CEP85L: variants seen among roughly 807,000 people sequenced by gnomAD.
CEP85L encodes centrosomal protein 85L, also known as centrosomal protein of 85 kDa-like.
CEP85L carries 60 observed loss-of-function variants against 100.3 expected under a neutral mutation model. That is an observed-to-expected ratio of 0.60 (90% CI 0.49 to 0.74). The LOEUF (loss-of-function observed/expected upper bound fraction) is 0.74. Among genes scored for constraint, CEP85L ranks in the 30% least tolerant of loss-of-function variants. The pLI is 0.00. For synonymous variants in CEP85L, 319 were observed against 322.7 expected, an observed-to-expected ratio of 0.99 and a Z score of 0.12; for missense variants, 973 against 936.2, an observed-to-expected ratio of 1.04 and a Z score of -0.51.
rs146256107 is a variant in CEP85L, at chr6:118,576,373, G to A, written c.233-10057C>T. On this transcript the variant is annotated intron_variant, in intron 2 of 12. Coordinates refer to ENST00000368491, the MANE Select transcript of CEP85L (RefSeq NM_001042475.3). ...AACTGAAATAGCACTCCGGAAAGCC[G>A]AAAAAGGGTGAACCCACCACACAAG... Among the ~76,000 whole-genome samples, 729 of 152,250 alleles carry A rather than the reference G, an allele frequency of 4.8e-3. 8 individuals are homozygous for A. Among genetic ancestry groups the A allele is most frequent in the African/African-American group, 0.017 (705 of 41,552 alleles).
In CEP85L at chr6:118,702,724, C is replaced by A. The variant is rs1391528530; in HGVS notation, c.-28+7312G>T. Among the ~76,000 whole-genome samples the A allele has an allele frequency of 2.0e-5, 3 of 152,262 alleles. 1 individual carries two copies. The East Asian group carries it at 5.8e-4, about 29-fold the overall frequency. ...ATCAAGAGCTGGAGTTGGCCAGGCA[C>A]GGCGGCTCACGCCTGTAATCCTAGC... On this transcript the variant is annotated intron_variant, in intron 1 of 13. Coordinates refer to the CEP85L transcript ENST00000368488.
At chr6:118,694,692 A>G (rs947354668) in intron 1 of CEP85L, among the ~76,000 whole-genome samples, 1 of 152,228 alleles carries the variant, frequency 6.6e-6, no homozygotes, top group South Asian at 2.1e-4. Context: ...TTTTTCTTTC[A>G]TAGAAATAAA....
At chr6:118,515,652 CA>C (rs1458893986) in intron 4 of CEP85L, among the ~76,000 whole-genome samples, 6 of 151,842 alleles carry the variant, frequency 4.0e-5, no homozygotes, top group African/African-American at 1.5e-4. Context: ...ACTTTAGGGT[CA>C]AAGAAGAAAT....
At chr6:118,675,555 A>G (rs1404224026) in intron 1 of CEP85L, among the ~76,000 whole-genome samples, 1 of 151,948 alleles carries the variant, frequency 6.6e-6, no homozygotes, top group African/African-American at 2.4e-5. Context: ...ACAATTTAAG[A>G]TTAGAAAAGA....
At chr6:118,674,523 CAA>C (rs34699146) in intron 1 of CEP85L, among the ~76,000 whole-genome samples, 20 of 106,248 alleles carry the variant, frequency 1.9e-4, no homozygotes, top group Non-Finnish European at 1.8e-4. Flanking sequence ...GACTCCATCT[CAA>C]AAAAAAAAAA....
chr6:118,524,568 A>G (rs1200803487), intron 3 of CEP85L, among the ~76,000 whole-genome samples: 1 of 152,262 alleles, frequency 6.6e-6, no homozygotes, highest in Non-Finnish European at 1.5e-5. Flanking sequence ...GGAATGTGCC[A>G]TGGCTTAACT....
chr6:118,488,160 G>A (rs1051702340), intron 6 of CEP85L, among the ~76,000 whole-genome samples: 6 of 152,034 alleles, frequency 3.9e-5, no homozygotes, highest in African/African-American at 1.4e-4. Flanking sequence ...CTTAAAGAGG[G>A]AGGAAAAATT....
At position 118,651,259 on chromosome 6, in the gene CEP85L, C is replaced by T; in HGVS notation, c.11G>A (p.Arg4His). The T allele has an allele frequency of 6.7e-7, 1 of 1,491,352 alleles. No individual in the cohort carries two copies. The highest frequency in any genetic ancestry group is 8.9e-7 in the Non-Finnish European group (1 of 1,126,058). The allele number at this position is 1,491,352 out of a possible 1,614,324, so 92.4% of individuals were successfully genotyped here. MWG[R>H]FLAPEASGRD... ...GCCGCTGGCCTCCGGAGCCAGGAAG[C>T]GCCCCCACATCGCGGGCGAGAGGGC... Residue 4 changes from arginine to histidine, a missense_variant, in exon 1 of 13, where the codon CGC becomes CAC. Around this residue, in one of 3 missense-constraint regions of CEP85L, gnomAD observed 79 missense variants for 73.3 expected, o/e 1.08. Coordinates refer to ENST00000368491, the MANE Select transcript of CEP85L (RefSeq NM_001042475.3).
At chr6:118,641,708 T>C (rs762959446) in intron 1 of CEP85L, among the ~76,000 whole-genome samples, 2 of 151,966 alleles carry the variant, frequency 1.3e-5, no homozygotes, top group Non-Finnish European at 2.9e-5. Context: ...TCTATATTAC[T>C]GCAAAGAAAC....
At chr6:118,577,930 T>A (rs1002354151) in intron 2 of CEP85L, among the ~76,000 whole-genome samples, 3 of 152,180 alleles carry the variant, frequency 2.0e-5, no homozygotes, top group Non-Finnish European at 4.4e-5. Flanking sequence ...TGCAAAGGCT[T>A]ATAGAAAAAG....
chr6:118,566,421 C>T (rs1583063159), intron 2 of CEP85L, 105 bp from the exon 3 acceptor site: 2 of 1,004,590 alleles, frequency 2.0e-6, no homozygotes, highest in Non-Finnish European at 2.8e-6. Context: ...TTTCATAGCA[C>T]AAGCTTTTTT....
intron 3 of CEP85L, among the ~76,000 whole-genome samples, chr6:118,556,019 T>C (rs1449408528): frequency 6.6e-6 from 1 of 152,234 alleles, no homozygotes; most frequent in Admixed American, 6.5e-5. Flanking sequence ...GCATGGTGTA[T>C]ATGTACCACA....
intron 2 of CEP85L, among the ~76,000 whole-genome samples, chr6:118,572,698 T>A (rs7751467): frequency 0.47 from 70,801 of 151,758 alleles, 16,992 homozygotes; most frequent in Middle Eastern, 0.57. Flanking sequence ...ATCTAAAGAG[T>A]CTCCTAGGAA....
intron 2 of CEP85L, among the ~76,000 whole-genome samples, chr6:118,629,991 C>G (rs1167920073): frequency 6.6e-6 from 1 of 152,190 alleles, no homozygotes; most frequent in African/African-American, 2.4e-5. Context: ...TTTTAGGCCA[C>G]AAAGATTTTC....
At chr6:118,508,913 C>G (rs1009877325) in intron 5 of CEP85L, among the ~76,000 whole-genome samples, 1 of 152,042 alleles carries the variant, frequency 6.6e-6, no homozygotes, top group Non-Finnish European at 1.5e-5. Flanking sequence ...TTTTATTACT[C>G]TATCTGCTGT....
In CEP85L at chr6:118,704,988, C is replaced by G. The variant is rs546594271; in HGVS notation, c.-28+5048G>C. ...CTTTTTCCCTGACTTTTATTTTTCACCCCTTCTTAGCCCTCTCTCCCAACC... is the reference window on the plus strand; with the variant it reads ...CTTTTTCCCTGACTTTTATTTTTCAGCCCTTCTTAGCCCTCTCTCCCAACC... On this transcript the variant is annotated intron_variant, in intron 1 of 13. Coordinates refer to the CEP85L transcript ENST00000368488. Among the ~76,000 whole-genome samples, 6 of 152,076 alleles carry G rather than the reference C, an allele frequency of 3.9e-5. No individual in the cohort carries two copies. The East Asian group carries it at 1.2e-3, about 29-fold the overall frequency.
At chr6:118,700,639 A>G (rs1467478802) in intron 1 of CEP85L, among the ~76,000 whole-genome samples, 1 of 152,062 alleles carries the variant, frequency 6.6e-6, no homozygotes, top group Non-Finnish European at 1.5e-5. Flanking sequence ...CCTGAGGCAT[A>G]TGGGATCTGA....
At chr6:118,632,809 C>A (rs1774249344) in intron 1 of CEP85L, among the ~76,000 whole-genome samples, 198 bp from the exon 2 acceptor site, 1 of 152,194 alleles carries the variant, frequency 6.6e-6, no homozygotes, top group African/African-American at 2.4e-5. Flanking sequence ...GATTACATAG[C>A]TTCCTCTAGC....
rs763740759 is a variant in CEP85L at position 118,470,624 on chromosome 6, A to G, written c.1935T>C (p.Ser645=). 9.4e-6 allele frequency: 15 copies of G among 1,602,222 alleles called. No homozygotes were observed. The South Asian group carries it at 1.7e-4, about 18-fold the overall frequency. Residue 645 remains serine, a synonymous_variant, in exon 11 of 13, where the codon TCT becomes TCC. Transcript: ENST00000368491. ...LEIQSMQGKL[S]KEKLTTQKMM... is the part of the protein sequence containing the mutation. ...TCTTTTGAGTGGTCAGTTTCTCTTT[A>G]GAAAGCTTTCCTTGCATAGACTAGA... is the stretch of plus-strand genomic sequence containing the variant.
Sources: allele counts gnomAD v4.1 joint callset (sites outside exome capture counted in the v4.1 genomes callset), GRCh38; gene constraint gnomAD v4.1.1; regional missense constraint gnomAD v4.1.1; transcripts MANE v1.5; gene names NCBI Gene and HGNC (gene_info 2026-07-23, HGNC 2026-07-21).